PIK3C2G: variants seen among roughly 807,000 people sequenced by gnomAD.
PIK3C2G encodes phosphatidylinositol 3-kinase C2 domain-containing subunit gamma.
PIK3C2G carries 168 observed loss-of-function variants against 181.1 expected under a neutral mutation model. The observed-to-expected ratio is 0.93, with a 90% CI of 0.82 to 1.05. The LOEUF (loss-of-function observed/expected upper bound fraction) is 1.05, where lower values mean the gene tolerates loss of function less well. PIK3C2G is among the 50% of genes least tolerant of loss of function. PIK3C2G has a pLI of 0.00. For missense variants in PIK3C2G, 1,869 were observed against 1,732.8 expected (o/e 1.08, Z -1.40); for synonymous variants, 573 against 592.2 (o/e 0.97, Z 0.47).
intron 18 of PIK3C2G, among the ~76,000 whole-genome samples, chr12:18,467,901 A>G (rs1418521244): frequency 6.6e-6 from 1 of 152,084 alleles, no homozygotes; most frequent in Non-Finnish European, 1.5e-5. Flanking sequence ...CCCTAGGCTC[A>G]TGATACCATT....
intron 30 of PIK3C2G, among the ~76,000 whole-genome samples, chr12:18,596,133 A>T (rs1947348085): frequency 6.6e-6 from 1 of 152,082 alleles, no homozygotes; most frequent in Admixed American, 6.6e-5. Context: ...ACACCTTGAT[A>T]TTCTCTATCA....
chr12:18,413,031 A>G (rs1336578012), intron 16 of PIK3C2G, among the ~76,000 whole-genome samples: 2 of 152,128 alleles, frequency 1.3e-5, no homozygotes, highest in African/African-American at 2.4e-5. Flanking sequence ...TACCTTTTCC[A>G]CCTTCTGAGT....
chr12:18,315,208 A>G (rs1277377173), intron 6 of PIK3C2G, among the ~76,000 whole-genome samples: 11 of 152,186 alleles, frequency 7.2e-5, no homozygotes, highest in Non-Finnish European at 4.4e-5. Flanking sequence ...CAACATATCA[A>G]TGTGGAACAT....
chr12:18,452,119 T>C (rs918537735), intron 18 of PIK3C2G, among the ~76,000 whole-genome samples: 3 of 152,202 alleles, frequency 2.0e-5, no homozygotes, highest in African/African-American at 7.2e-5. Flanking sequence ...TCTTTTTCTA[T>C]TGTTTGGAAT....
At chr12:18,338,752 C>T (rs1300708651) in intron 9 of PIK3C2G, among the ~76,000 whole-genome samples, 1 of 148,898 alleles carries the variant, frequency 6.7e-6, no homozygotes, top group Non-Finnish European at 1.5e-5. Context: ...GGGGTATTGG[C>T]AGCTTGAGTC....
chr12:18,336,542 G>A (rs1938555230), intron 8 of PIK3C2G, among the ~76,000 whole-genome samples: 1 of 152,102 alleles, frequency 6.6e-6, no homozygotes, highest in Admixed American at 6.6e-5. Context: ...TGGAGAGCAT[G>A]TGTCTTTTGA....
chr12:18,255,009 A>T (rs1287381804), intron 1 of PIK3C2G, among the ~76,000 whole-genome samples: 6 of 151,866 alleles, frequency 4.0e-5, no homozygotes, highest in Non-Finnish European at 8.8e-5. Flanking sequence ...CGGGCAGATC[A>T]CCTGAGGTTG....
intron 8 of PIK3C2G, among the ~76,000 whole-genome samples, chr12:18,328,953 G>T (rs1271121204): frequency 1.3e-5 from 2 of 151,768 alleles, no homozygotes; most frequent in East Asian, 1.9e-4. Context: ...AGGAGCAGTT[G>T]CAAGGTTGCA....
At chr12:18,335,481 G>A (rs956599695) in intron 8 of PIK3C2G, among the ~76,000 whole-genome samples, 3 of 152,102 alleles carry the variant, frequency 2.0e-5, no homozygotes, top group African/African-American at 7.2e-5. Context: ...GTGTATGTAT[G>A]TGTGGTGTAG....
intron 26 of PIK3C2G, among the ~76,000 whole-genome samples, 193 bp from the exon 27 acceptor site, chr12:18,562,510 G>C (rs936280888): frequency 6.6e-6 from 1 of 152,192 alleles, no homozygotes; most frequent in African/African-American, 2.4e-5. Context: ...TTTCTTGTAT[G>C]TTTATTTGCT....
At chr12:18,366,488 C>G (rs1175382673) in intron 12 of PIK3C2G, among the ~76,000 whole-genome samples, 2 of 152,070 alleles carry the variant, frequency 1.3e-5, no homozygotes, top group Non-Finnish European at 2.9e-5. Flanking sequence ...CGAGATTGCA[C>G]CACTGCACTC....
At chr12:18,538,418 G>C (rs1291724012) in intron 25 of PIK3C2G, 106 bp downstream of exon 25, 1 of 872,720 alleles carries the variant, frequency 1.1e-6, no homozygotes, top group African/African-American at 1.7e-5. Flanking sequence ...GAGCTATTCG[G>C]AAGAGAAAGG....
chr12:18,457,803 T>A (rs1400496557), intron 18 of PIK3C2G, among the ~76,000 whole-genome samples: 1 of 152,168 alleles, frequency 6.6e-6, no homozygotes, highest in African/African-American at 2.4e-5. Context: ...TGAACAAAGA[T>A]AATATGGACT....
upstream of PIK3C2G, among the ~76,000 whole-genome samples, chr12:18,259,475 A>C (rs939089263): frequency 3.3e-5 from 5 of 152,070 alleles, no homozygotes; most frequent in African/African-American, 1.2e-4. Flanking sequence ...GAGTAAGGAC[A>C]CTTGTAGAAC....
chr12:18,539,017 C>A (rs1227709460), intron 25 of PIK3C2G, among the ~76,000 whole-genome samples: 1 of 151,908 alleles, frequency 6.6e-6, no homozygotes, highest in East Asian at 1.9e-4. Context: ...CTAGTGATTG[C>A]AGCAAACTAT....
chr12:18,387,509 G>A (rs1943251240), intron 14 of PIK3C2G, among the ~76,000 whole-genome samples: 1 of 152,078 alleles, frequency 6.6e-6, no homozygotes, highest in South Asian at 2.1e-4. Context: ...ACTGTTCCCT[G>A]TCTATAATGT....
intron 22 of PIK3C2G, among the ~76,000 whole-genome samples, chr12:18,502,457 C>G (rs1405817645): frequency 6.6e-6 from 1 of 152,160 alleles, no homozygotes; most frequent in African/African-American, 2.4e-5. Flanking sequence ...ATCAGAAACT[C>G]TAGACTTTAA....
chr12:18,562,981 C>A, intron 27 of PIK3C2G, 89 bp downstream of exon 27: 1 of 836,490 alleles, frequency 1.2e-6, no homozygotes, highest in Non-Finnish European at 1.9e-6. Flanking sequence ...TTTCTTATAG[C>A]ATAATTTTTT....
upstream of PIK3C2G, among the ~76,000 whole-genome samples, chr12:18,245,918 G>T (rs998755841): frequency 3.9e-5 from 6 of 152,196 alleles, no homozygotes; most frequent in African/African-American, 9.6e-5. Context: ...ATTGCCACTA[G>T]TCGAATATTG....
Sources: allele counts gnomAD v4.1 joint callset (sites outside exome capture counted in the v4.1 genomes callset), GRCh38; gene constraint gnomAD v4.1.1; transcripts MANE v1.5; gene names NCBI Gene and HGNC (gene_info 2026-07-23, HGNC 2026-07-21).